The following MAGI2 variants were observed in gnomAD, a reference collection of about 807,000 sequenced individuals.
MAGI2 encodes the protein membrane-associated guanylate kinase, WW and PDZ domain-containing protein 2.
In MAGI2, 35 loss-of-function variants were observed where a neutral mutation model predicts 133.3. The observed-to-expected ratio is 0.26, with a 90% CI of 0.20 to 0.35. The LOEUF is 0.35. MAGI2 is among the 10% of genes least tolerant of loss of function. The pLI is 1.00. For missense variants in MAGI2, 1,636 were observed against 1,863.4 expected, an observed-to-expected ratio of 0.88 and a Z score of 2.25; for synonymous variants, 729 against 710.6, an observed-to-expected ratio of 1.03 and a Z score of -0.41.
At chr7:78,700,791 C>A (rs562984024) in intron 2 of MAGI2, among the ~76,000 whole-genome samples, 1 of 151,952 alleles carries the variant, frequency 6.6e-6, no homozygotes, top group East Asian at 1.9e-4. Context: ...CATTTCTCAT[C>A]GTGACACTTT....
chr7:78,511,701 G>C (rs1795596494), intron 4 of MAGI2, among the ~76,000 whole-genome samples: 1 of 150,906 alleles, frequency 6.6e-6, no homozygotes, highest in Admixed American at 6.6e-5. Flanking sequence ...ACCCTTCAGA[G>C]ATTTTTCTAT....
At chr7:78,458,514 A>G (rs1405246153) in intron 6 of MAGI2, among the ~76,000 whole-genome samples, 1 of 152,090 alleles carries the variant, frequency 6.6e-6, no homozygotes, top group African/African-American at 2.4e-5. Context: ...ATAAGTTTAT[A>G]TATACTTTTC....
rs374490500 is a variant in MAGI2, at chr7:78,832,147, A to G, written c.418+174943T>C. Among the ~76,000 whole-genome samples the G allele has an allele frequency of 1.3e-4, 19 of 151,182 alleles. No individual in the cohort carries two copies. The East Asian group carries it at 2.6e-3, about 20-fold the overall frequency. Reference sequence around the variant, plus strand: ...GATGAACCCTAACTAAAGCTGCTCAAAGTATTCTCTGAAGAAAAAAAAAAG... The same window carrying G: ...GATGAACCCTAACTAAAGCTGCTCAGAGTATTCTCTGAAGAAAAAAAAAAG... On this transcript the variant is annotated intron_variant, in intron 2 of 21. Coordinates refer to ENST00000354212, the MANE Select transcript of MAGI2 (RefSeq NM_012301.4).
At chr7:79,015,786 T>C (rs1808641001) in intron 1 of MAGI2, among the ~76,000 whole-genome samples, 1 of 152,084 alleles carries the variant, frequency 6.6e-6, no homozygotes, top group Admixed American at 6.5e-5. Flanking sequence ...GCACAATTTA[T>C]GGTATGTTGG....
At chr7:78,342,049 G>A (rs529232444) in intron 9 of MAGI2, among the ~76,000 whole-genome samples, 2 of 151,940 alleles carry the variant, frequency 1.3e-5, no homozygotes, top group South Asian at 2.1e-4. Context: ...GAAAGTTTTT[G>A]CAATCTACCC....
intron 2 of MAGI2, among the ~76,000 whole-genome samples, chr7:78,654,501 A>G (rs949616732): frequency 2.0e-5 from 3 of 151,728 alleles, no homozygotes; most frequent in Non-Finnish European, 4.4e-5. Flanking sequence ...ATAAATTTAT[A>G]AAGTTTTGAA....
intron 5 of MAGI2, among the ~76,000 whole-genome samples, chr7:78,494,087 C>T (rs532231776): frequency 6.6e-6 from 1 of 152,148 alleles, no homozygotes; most frequent in South Asian, 2.1e-4. Flanking sequence ...AGTGATTCTC[C>T]CGCCTCAGCC....
At chr7:78,147,245 A>G (rs557256151) in intron 16 of MAGI2, among the ~76,000 whole-genome samples, 12 of 152,358 alleles carry the variant, frequency 7.9e-5, no homozygotes, top group African/African-American at 2.4e-4. Context: ...TCTTGATCAT[A>G]TATTAACTTT....
intron 2 of MAGI2, among the ~76,000 whole-genome samples, chr7:78,796,762 G>A (rs2151379274): frequency 6.6e-6 from 1 of 152,192 alleles, no homozygotes; most frequent in Non-Finnish European, 1.5e-5. Context: ...TGGATAAAAT[G>A]TGGTATATAT....
intron 6 of MAGI2, among the ~76,000 whole-genome samples, chr7:78,431,074 CTGTGTGTGTG>C (rs147567944): frequency 1.1e-3 from 155 of 146,514 alleles, no homozygotes; most frequent in African/African-American, 3.6e-3. Context: ...GTGAGGTAGG[CTGTGTGTGTG>C]TGTGTGTGTG....
intron 2 of MAGI2, among the ~76,000 whole-genome samples, chr7:78,904,762 C>T (rs1797875221): frequency 6.6e-6 from 1 of 152,280 alleles, no homozygotes; most frequent in South Asian, 2.1e-4. Context: ...TTAGGCCTCC[C>T]AAAGTGCTGG....
chr7:78,678,199 T>C (rs2151088771), intron 2 of MAGI2, among the ~76,000 whole-genome samples: 1 of 152,274 alleles, frequency 6.6e-6, no homozygotes, highest in East Asian at 1.9e-4. Context: ...ATTTCACCTT[T>C]TATTTATCTT....
At chr7:78,728,350 T>A (rs1249756692) in intron 2 of MAGI2, among the ~76,000 whole-genome samples, 1 of 152,096 alleles carries the variant, frequency 6.6e-6, no homozygotes, top group Admixed American at 6.6e-5. Flanking sequence ...TAAAAAATGA[T>A]CTATCATATG....
In MAGI2 at chr7:78,365,170, A is replaced by C. The variant is rs572041588; in HGVS notation, c.1103+3986T>G. Among the ~76,000 whole-genome samples the C allele has an allele frequency of 2.0e-5, 3 of 151,602 alleles. No homozygotes were observed. The South Asian group carries it at 6.3e-4, about 32-fold the overall frequency. On this transcript the variant is annotated intron_variant, in intron 7 of 21. Coordinates refer to ENST00000354212, the MANE Select transcript of MAGI2 (RefSeq NM_012301.4). ...CTCGGTGGCCATGTTGTCCAGGGCTACTCCAAAGTGGTGGGTAATGGAGCT... is the reference window on the plus strand; with the variant it reads ...CTCGGTGGCCATGTTGTCCAGGGCTCCTCCAAAGTGGTGGGTAATGGAGCT...
chr7:78,687,740 G>A (rs188969161), intron 2 of MAGI2, among the ~76,000 whole-genome samples: 2 of 151,920 alleles, frequency 1.3e-5, no homozygotes, highest in Admixed American at 6.6e-5. Context: ...AGGCTGAGGC[G>A]GGTGGATCAT....
chr7:79,204,745 C>A (rs905355439), intron 1 of MAGI2, among the ~76,000 whole-genome samples: 1 of 151,458 alleles, frequency 6.6e-6, no homozygotes. Flanking sequence ...ACTAAGTGAC[C>A]AGATGAACAA....
At chr7:78,372,332 T>C (rs1333941584) in intron 6 of MAGI2, among the ~76,000 whole-genome samples, 1 of 152,106 alleles carries the variant, frequency 6.6e-6, no homozygotes, top group African/African-American at 2.4e-5. Context: ...ATTAAGCTAT[T>C]TGGACTTGGA....
At chr7:78,985,626 A>T (rs570898619) in intron 2 of MAGI2, among the ~76,000 whole-genome samples, 7 of 152,112 alleles carry the variant, frequency 4.6e-5, no homozygotes, top group African/African-American at 1.4e-4. Flanking sequence ...TTTCTTTAAT[A>T]GTTTCTTTAC....
intron 1 of MAGI2, among the ~76,000 whole-genome samples, chr7:79,382,550 T>C (rs1423918262): frequency 2.6e-5 from 4 of 151,556 alleles, no homozygotes; most frequent in Non-Finnish European, 5.9e-5. Flanking sequence ...CTGGAGTAAC[T>C]ATTTAACATA....
Sources: gnomAD v4.1 joint callset for allele counts (sites outside exome capture counted in the v4.1 genomes callset) on GRCh38, gnomAD v4.1.1 for gene constraint, MANE v1.5 for transcripts, NCBI Gene and HGNC (gene_info 2026-07-23, HGNC 2026-07-21) for gene names.